UBE2Q2: variants seen among roughly 807,000 people sequenced by gnomAD.
UBE2Q2 encodes the protein ubiquitin conjugating enzyme E2 Q2, also known as ubiquitin-conjugating enzyme E2 Q2.
A neutral mutation model predicts 59.9 loss-of-function variants in UBE2Q2; 54 were observed. The ratio of observed to expected loss-of-function variants is 0.90; its 90% confidence interval spans 0.72 to 1.13. The LOEUF is 1.13. UBE2Q2 is among the 50% of genes most tolerant of loss of function. The pLI, the probability that UBE2Q2 is intolerant of heterozygous loss-of-function variation, is 0.00. For missense variants in UBE2Q2, 433 were observed against 441.9 expected (o/e 0.98, Z 0.18); for synonymous variants, 165 against 155.2 (o/e 1.06, Z -0.47).
chr15:75,891,307 C>T (rs1441521837), intron 11 of UBE2Q2, among the ~76,000 whole-genome samples: 1 of 152,022 alleles, frequency 6.6e-6, no homozygotes, highest in African/African-American at 2.4e-5. Context: ...CAGATGTTTA[C>T]AGTTGTAAAC....
At chr15:75,871,549 A>G (rs1481720544) in intron 4 of UBE2Q2, among the ~76,000 whole-genome samples, 1 of 152,206 alleles carries the variant, frequency 6.6e-6, no homozygotes, top group Admixed American at 6.5e-5. Flanking sequence ...GTCCCTGGGT[A>G]CTTGAGATTA....
intron 2 of UBE2Q2, among the ~76,000 whole-genome samples, chr15:75,855,368 G>A (rs1457318110): frequency 1.3e-5 from 2 of 152,106 alleles, no homozygotes; most frequent in East Asian, 3.9e-4. Context: ...GCGCATGCTT[G>A]TAATCCCAGC....
intron 3 of UBE2Q2, among the ~76,000 whole-genome samples, chr15:75,867,958 G>A (rs1434079625): frequency 6.6e-6 from 1 of 152,156 alleles, no homozygotes; most frequent in Non-Finnish European, 1.5e-5. Flanking sequence ...GTTTTTAGAA[G>A]ACAATGTGTC....
chr15:75,848,762 A>T (rs2141533146), intron 1 of UBE2Q2, among the ~76,000 whole-genome samples: 1 of 152,212 alleles, frequency 6.6e-6, no homozygotes, highest in African/African-American at 2.4e-5. Flanking sequence ...TTGAATGGAG[A>T]TAGTCACTGC....
chr15:75,851,488 T>C (rs1320625501), intron 1 of UBE2Q2, among the ~76,000 whole-genome samples: 4 of 152,190 alleles, frequency 2.6e-5, no homozygotes, highest in Admixed American at 2.6e-4. Flanking sequence ...ATCAATGTTA[T>C]CAGGATATTC....
At position 75,843,451 on chromosome 15, in the gene UBE2Q2, G is replaced by C. The variant is rs919743181; in HGVS notation, c.-216G>C. 7.8e-5 allele frequency: 18 copies of C among 229,628 alleles called. No individual in the cohort carries two copies. Among genetic ancestry groups the C allele is most frequent in the African/African-American group, 3.7e-4 (16 of 43,376 alleles). The allele number at this position is 229,628 out of a possible 1,614,324, so 14.2% of individuals were successfully genotyped here. A position where few individuals can be genotyped will look rare whatever the true frequency, so the allele number is the denominator to read the frequency against. Reference sequence around the variant, plus strand: ...GCGGGGCCGCCGCCTCCTGCCGCTGGAGTCGGTTACAAAGGAAGCGCCACC... The same window carrying C: ...GCGGGGCCGCCGCCTCCTGCCGCTGCAGTCGGTTACAAAGGAAGCGCCACC... On this transcript the variant is annotated 5_prime_UTR_variant, in exon 1 of 13. Transcript: ENST00000267938.
chr15:75,843,712 A>C lies in UBE2Q2; in HGVS notation c.46A>C (p.Ile16Leu), dbSNP rs1364204494. ...LKAELKFLAS[I>L]FDKNHERFRI... The stretch of plus-strand genomic sequence containing the variant: ...GGCCGAGCTGAAGTTCCTGGCGTCC[A>C]TCTTCGACAAGAACCACGAGCGATT... Residue 16 changes from isoleucine to leucine, a missense_variant, in exon 1 of 13, where the codon ATC becomes CTC. Physicochemically the swap from Ile to Leu is conservative, Grantham distance 5. Transcript: ENST00000267938. 2 of 1,611,360 alleles carry C rather than the reference A, an allele frequency of 1.2e-6. No individual in the cohort carries two copies. The highest frequency in any genetic ancestry group is 2.7e-5 in the African/African-American group (2 of 74,368).
chr15:75,870,643 A>G (rs1897736191), intron 4 of UBE2Q2, among the ~76,000 whole-genome samples: 1 of 152,198 alleles, frequency 6.6e-6, no homozygotes, highest in African/African-American at 2.4e-5. Flanking sequence ...TCAGATTAGG[A>G]CAAGTGGAAA....
chr15:75,867,474 G>A (rs1479807211), intron 3 of UBE2Q2, among the ~76,000 whole-genome samples: 1 of 152,156 alleles, frequency 6.6e-6, no homozygotes, highest in Non-Finnish European at 1.5e-5. Context: ...TATTCTCCTT[G>A]TATTTGTTTT....
intron 9 of UBE2Q2, among the ~76,000 whole-genome samples, chr15:75,889,819 G>A (rs1004504613): frequency 2.6e-5 from 4 of 152,110 alleles, no homozygotes; most frequent in Non-Finnish European, 4.4e-5. Context: ...GTTAAAAATC[G>A]TTATCTAAGT....
chr15:75,881,901 G>A (rs1898451681), intron 8 of UBE2Q2, among the ~76,000 whole-genome samples: 1 of 152,104 alleles, frequency 6.6e-6, no homozygotes, highest in Non-Finnish European at 1.5e-5. Context: ...GATAAACTTA[G>A]GTTCATTTAG....
In UBE2Q2 at chr15:75,854,443, A is replaced by T; in HGVS notation, c.238A>T (p.Thr80Ser). ...TGTGGATTCTGAAGACCCAAATCTG[A>T]CATCAGTTCTGGAACGTCTAGAAGA... ...WFVDSEDPNL[T>S]SVLERLEDTK... is the part of the protein sequence containing the mutation. Residue 80 changes from threonine (T) to serine (S), a missense_variant, in exon 2 of 13, where the codon ACA becomes TCA. Thr to Ser is a moderately conservative substitution (Grantham distance 58). Coordinates refer to ENST00000267938, the MANE Select transcript of UBE2Q2 (RefSeq NM_173469.4). 1 of 1,613,594 alleles carries T rather than the reference A, an allele frequency of 6.2e-7. No homozygotes were observed. The highest frequency in any genetic ancestry group is 8.5e-7 in the Non-Finnish European group (1 of 1,179,676).
intron 6 of UBE2Q2, among the ~76,000 whole-genome samples, chr15:75,876,644 C>A (rs1898097953): frequency 6.6e-6 from 1 of 152,022 alleles, no homozygotes; most frequent in Non-Finnish European, 1.5e-5. Flanking sequence ...TATGATTCCC[C>A]CCCATTTTTG....
chr15:75,864,559 A>G (rs930315822), intron 3 of UBE2Q2, among the ~76,000 whole-genome samples: 6 of 149,636 alleles, frequency 4.0e-5, no homozygotes, highest in African/African-American at 1.5e-4. Flanking sequence ...TTTTCTATGT[A>G]TCGGTCTCCA....
intron 5 of UBE2Q2, among the ~76,000 whole-genome samples, chr15:75,874,966 T>G (rs1321098383): frequency 6.6e-6 from 1 of 152,206 alleles, no homozygotes; most frequent in Non-Finnish European, 1.5e-5. Flanking sequence ...TCAGTCTAAT[T>G]TATATATTAA....
chr15:75,859,015 C>T (rs1381193753), intron 2 of UBE2Q2, among the ~76,000 whole-genome samples: 1 of 152,156 alleles, frequency 6.6e-6, no homozygotes, highest in African/African-American at 2.4e-5. Context: ...GTCAGAGCCA[C>T]CTAGGAAACT....
chr15:75,880,108 T>TTTTG (rs138179496), intron 8 of UBE2Q2, among the ~76,000 whole-genome samples: 5 of 152,170 alleles, frequency 3.3e-5, no homozygotes, highest in South Asian at 4.1e-4. Context: ...TAAGGTTTTT[T>TTTTG]TTTGTTTGTT....
intron 11 of UBE2Q2, among the ~76,000 whole-genome samples, chr15:75,893,043 C>T (rs1008350948): frequency 2.6e-5 from 4 of 151,812 alleles, no homozygotes; most frequent in African/African-American, 9.7e-5. Flanking sequence ...AGAATGAGGT[C>T]TAAAATATGT....
At chr15:75,874,650 A>G (rs980911606) in intron 5 of UBE2Q2, among the ~76,000 whole-genome samples, 2 of 152,150 alleles carry the variant, frequency 1.3e-5, no homozygotes, top group Admixed American at 6.6e-5. Flanking sequence ...GGTGACAAAC[A>G]CACAATTTAT....
Sources: allele counts gnomAD v4.1 joint callset (sites outside exome capture counted in the v4.1 genomes callset), GRCh38; gene constraint gnomAD v4.1.1; transcripts MANE v1.5; gene names NCBI Gene and HGNC (gene_info 2026-07-23, HGNC 2026-07-21).